Variants in BCAS1 observed in about 807,000 individuals in gnomAD.
BCAS1 encodes the protein breast carcinoma-amplified sequence 1.
BCAS1 carries 46 observed loss-of-function variants against 65.4 expected under a neutral mutation model. That is an observed-to-expected ratio of 0.70 (90% CI 0.55 to 0.90). BCAS1 has a LOEUF of 0.90. BCAS1 is among the 40% of genes least tolerant of loss of function. The probability of loss-of-function intolerance (pLI) is 0.00; values close to 1 mark genes in which losing one functional copy is unlikely to be tolerated. For synonymous variants in BCAS1, 298 were observed against 293.5 expected (o/e 1.02, Z -0.16); for missense variants, 793 against 771.2 (o/e 1.03, Z -0.33).
chr20:53,976,657 T>C (rs911369140), intron 8 of BCAS1, among the ~76,000 whole-genome samples: 1 of 152,214 alleles, frequency 6.6e-6, no homozygotes, highest in Non-Finnish European at 1.5e-5. Flanking sequence ...TACATTTATT[T>C]TACATCTAAA....
intron 12 of BCAS1, among the ~76,000 whole-genome samples, chr20:53,948,952 G>C (rs2089424129): frequency 6.6e-6 from 1 of 152,228 alleles, no homozygotes; most frequent in Non-Finnish European, 1.5e-5. Flanking sequence ...ACAAGCCTCG[G>C]TTCAGCCCAC....
At position 53,944,817 on chromosome 20, in the gene BCAS1, T is replaced by G. The variant is rs1292149754; in HGVS notation, c.*105A>C. Reference sequence around the variant, plus strand: ...AATTTCTAGGCAGAATTTCATTTGCTGGCCATCAGAAGAATATATACATGG... The same window carrying G: ...AATTTCTAGGCAGAATTTCATTTGCGGGCCATCAGAAGAATATATACATGG... On this transcript the variant is annotated 3_prime_UTR_variant, in exon 13 of 13. Transcript: ENST00000688948. 9.4e-7 allele frequency: 1 copy of G among 1,069,328 alleles called. No homozygotes were observed. The highest frequency in any genetic ancestry group is 1.3e-5 in the South Asian group (1 of 79,258). 66.2% of individuals were successfully genotyped at this position (1,069,328 alleles called of 1,614,324 possible). A position where few individuals can be genotyped will look rare whatever the true frequency, so the allele number is the denominator to read the frequency against.
chr20:54,033,595 C>T (rs2091845287), intron 3 of BCAS1, among the ~76,000 whole-genome samples: 1 of 150,868 alleles, frequency 6.6e-6, no homozygotes, highest in Non-Finnish European at 1.5e-5. Flanking sequence ...TAAGACTGTA[C>T]CAGGAAGAAA....
In BCAS1 at chr20:54,028,482, G is replaced by A; in HGVS notation, c.633C>T (p.Ser211=). The change falls in exon 4 of 13, where the codon AGC becomes AGT. Residue 211 remains serine (S), a synonymous_variant. Coordinates refer to ENST00000688948, the MANE Select transcript of BCAS1 (RefSeq NM_001366298.2). ...DKGQEKVPGD[S]QQEAKRAEHQ... ...GCTCTGCCCTCTTGGCTTCCTGTTG[G>A]CTGTCACCTGGCACCTTTTCCTGTC... The A allele has an allele frequency of 1.2e-6, 2 of 1,614,164 alleles. No homozygotes were observed. Among genetic ancestry groups the A allele is most frequent in the Non-Finnish European group, 1.7e-6 (2 of 1,180,032 alleles).
intron 4 of BCAS1, 95 bp from the exon 5 acceptor site, chr20:53,996,145 A>C: frequency 7.6e-7 from 1 of 1,310,176 alleles, no homozygotes; most frequent in Non-Finnish European, 1.0e-6. Context: ...TTACCCCCTA[A>C]TTCCAGCCAT....
intron 3 of BCAS1, among the ~76,000 whole-genome samples, chr20:54,046,971 A>G (rs919335707): frequency 6.6e-6 from 1 of 152,144 alleles, no homozygotes; most frequent in Non-Finnish European, 1.5e-5. Context: ...ACACAGGGAC[A>G]TATGTCTGGA....
chr20:54,042,851 A>G (rs466416), intron 3 of BCAS1, among the ~76,000 whole-genome samples: 89,145 of 152,136 alleles, frequency 0.59, 26,277 homozygotes, highest in South Asian at 0.62. Context: ...CAATTTGCCT[A>G]GGGCTGGCCC....
At chr20:53,986,907 T>C (rs775715925) in intron 7 of BCAS1, among the ~76,000 whole-genome samples, 1 of 152,090 alleles carries the variant, frequency 6.6e-6, no homozygotes, top group Non-Finnish European at 1.5e-5. Flanking sequence ...ATATAGAATA[T>C]GGACAAATTC....
chr20:53,975,017 G>C lies in BCAS1; in HGVS notation c.1317+372C>G, dbSNP rs980343819. ...ACCGCCCAAAGTTAGTAAGAAGCTG[G>C]ATCACCATGGAAATAAGAGTGAACG... On this transcript the variant is annotated intron_variant, in intron 9 of 12. Coordinates refer to ENST00000688948, the MANE Select transcript of BCAS1 (RefSeq NM_001366298.2). Among the ~76,000 whole-genome samples, 31 of 152,172 alleles carry C rather than the reference G, an allele frequency of 2.0e-4. 1 individual carries two copies. Among genetic ancestry groups the C allele is most frequent in the African/African-American group, 6.5e-4 (27 of 41,438 alleles).
At chr20:53,959,073 T>C (rs577243231) in intron 10 of BCAS1, among the ~76,000 whole-genome samples, 29 of 152,200 alleles carry the variant, frequency 1.9e-4, no homozygotes, top group Non-Finnish European at 3.8e-4. Flanking sequence ...GAGTCAACTG[T>C]GCTCTTCTTT....
At chr20:54,018,790 C>T (rs776205130) in intron 4 of BCAS1, among the ~76,000 whole-genome samples, 3 of 152,130 alleles carry the variant, frequency 2.0e-5, no homozygotes, top group Non-Finnish European at 4.4e-5. Context: ...ACTTGATTCT[C>T]AACTGTACCC....
At chr20:53,983,390 T>C (rs1450469741) in intron 8 of BCAS1, among the ~76,000 whole-genome samples, 2 of 152,292 alleles carry the variant, frequency 1.3e-5, no homozygotes, top group East Asian at 3.9e-4. Context: ...TTGTATGACA[T>C]AGGTACTATT....
Position 54,034,279 on chromosome 20 carries a change from C to T in BCAS1, c.143-5307G>A, listed in dbSNP as rs767564334. Among the ~76,000 whole-genome samples, 3 of 151,194 alleles carry T rather than the reference C, an allele frequency of 2.0e-5. No homozygotes were observed. The Admixed American group carries it at 2.0e-4, about 10-fold the overall frequency. ...TTCAACATAGTATTGGAAGTCTTGG[C>T]CAGGGCAATCGGGCAAGAGAAATAA... On this transcript the variant is annotated intron_variant, in intron 3 of 12. Coordinates refer to ENST00000688948, the MANE Select transcript of BCAS1 (RefSeq NM_001366298.2).
intron 4 of BCAS1, among the ~76,000 whole-genome samples, chr20:54,023,202 A>G (rs2091599637): frequency 6.6e-6 from 1 of 152,326 alleles, no homozygotes; most frequent in African/African-American, 2.4e-5. Context: ...ATATGCTAAC[A>G]TCTTTGAATT....
intron 4 of BCAS1, among the ~76,000 whole-genome samples, chr20:54,015,652 G>C (rs1184130960): frequency 1.3e-5 from 2 of 152,142 alleles, no homozygotes; most frequent in Non-Finnish European, 2.9e-5. Flanking sequence ...TTAGCTATAA[G>C]TATATTTAAA....
chr20:54,011,336 G>A (rs942112837), intron 4 of BCAS1, among the ~76,000 whole-genome samples: 2 of 152,078 alleles, frequency 1.3e-5, no homozygotes, highest in Admixed American at 6.6e-5. Flanking sequence ...CGTATCTGAC[G>A]AGAGACTAGT....
In BCAS1 at chr20:53,953,610, T is replaced by C. The variant is rs1600695219; in HGVS notation, c.1637A>G (p.Lys546Arg). The change falls in exon 12 of 13, where the codon AAG becomes AGG. Residue 546 changes from lysine to arginine, a missense_variant. Transcript: ENST00000688948. ...CATCTCGGCTGCTGACTTCTTGTCC[T>C]TCGAGGAGCCCTCTTTACCCTTCTG... The part of the protein sequence containing the change: ...APQKGKEGSS[K>R]DKKSAAEMNK... 6.2e-7 allele frequency: 1 copy of C among 1,613,800 alleles called. No homozygotes were observed. The highest frequency in any genetic ancestry group is 1.3e-5 in the African/African-American group (1 of 74,840).
chr20:54,055,148 A>C (rs2092277423), intron 3 of BCAS1, among the ~76,000 whole-genome samples: 1 of 152,202 alleles, frequency 6.6e-6, no homozygotes, highest in Non-Finnish European at 1.5e-5. Flanking sequence ...TAAACATAAG[A>C]AGATAATTGA....
chr20:53,978,122 G>T (rs1279837319), intron 8 of BCAS1, among the ~76,000 whole-genome samples: 1 of 140,366 alleles, frequency 7.1e-6, no homozygotes. Flanking sequence ...TCCCACCTAT[G>T]AGTGAGAATA....
Sources: allele counts gnomAD v4.1 joint callset (sites outside exome capture counted in the v4.1 genomes callset), GRCh38; gene constraint gnomAD v4.1.1; transcripts MANE v1.5; gene names NCBI Gene and HGNC (gene_info 2026-07-23, HGNC 2026-07-21).